Variants in RGS7 observed in about 807,000 individuals in gnomAD.
RGS7 encodes regulator of G protein signaling 7, also known as regulator of G-protein signaling 7.
Under a neutral mutation model 81.1 loss-of-function variants are expected in RGS7, and 27 were observed. That is an observed-to-expected ratio of 0.33 (90% CI 0.25 to 0.46). RGS7 has a LOEUF of 0.46. Ranked by LOEUF, RGS7 falls within the 20% of genes least tolerant of loss-of-function variation. The probability of loss-of-function intolerance (pLI) is 1.00; values close to 1 mark genes in which losing one functional copy is unlikely to be tolerated. For missense variants in RGS7, 396 were observed against 607.4 expected, an observed-to-expected ratio of 0.65 and a Z score of 3.66; for synonymous variants, 208 against 207.7, an observed-to-expected ratio of 1.00 and a Z score of -0.01.
chr1:241,261,730 T>A lies in RGS7; in HGVS notation c.78+93969A>T, dbSNP rs578019791. Among the ~76,000 whole-genome samples, 6 of 151,056 alleles carry A rather than the reference T, an allele frequency of 4.0e-5. 1 individual carries two copies. The South Asian group carries it at 1.3e-3, about 32-fold the overall frequency. On this transcript the variant is annotated intron_variant, in intron 2 of 18. Coordinates refer to ENST00000440928, the MANE Select transcript of RGS7 (RefSeq NM_001364886.1). ...TACCCCTTCATACCAAGAAGACAGATGCTAAATAAGGATCAGGAGCCATAA... is the reference window on the plus strand; with the variant it reads ...TACCCCTTCATACCAAGAAGACAGAAGCTAAATAAGGATCAGGAGCCATAA...
chr1:240,850,999 A>C (rs1660002023), intron 9 of RGS7, among the ~76,000 whole-genome samples: 1 of 152,224 alleles, frequency 6.6e-6, no homozygotes, highest in Non-Finnish European at 1.5e-5. Context: ...TAAAAGTGCA[A>C]GATGGAAGCA....
intron 2 of RGS7, among the ~76,000 whole-genome samples, chr1:241,323,975 G>A (rs1311475911): frequency 6.6e-6 from 1 of 152,180 alleles, no homozygotes; most frequent in African/African-American, 2.4e-5. Flanking sequence ...CCCTAAGCAA[G>A]TTATTTAGTC....
chr1:240,849,294 T>C (rs1053579698), intron 9 of RGS7, among the ~76,000 whole-genome samples: 7 of 152,162 alleles, frequency 4.6e-5, no homozygotes, highest in Non-Finnish European at 8.8e-5. Flanking sequence ...CTGTGATCTG[T>C]TATGTTAACC....
chr1:240,780,421 C>T (rs1347418870), intron 18 of RGS7, among the ~76,000 whole-genome samples: 1 of 111,634 alleles, frequency 9.0e-6, no homozygotes, highest in South Asian at 2.9e-4. Context: ...GCCTGGGCTA[C>T]AGAGTGAGAC....
At chr1:241,321,431 C>T (rs1177602733) in intron 2 of RGS7, among the ~76,000 whole-genome samples, 1 of 152,150 alleles carries the variant, frequency 6.6e-6, no homozygotes, top group African/African-American at 2.4e-5. Flanking sequence ...CCCCTTCCAC[C>T]TCACTCGGGC....
chr1:241,046,902 C>T (rs2060958572), intron 3 of RGS7, among the ~76,000 whole-genome samples: 4 of 152,058 alleles, frequency 2.6e-5, no homozygotes, highest in South Asian at 2.1e-4. Context: ...ATAAATGTTA[C>T]GTTCTACTGC....
intron 2 of RGS7, among the ~76,000 whole-genome samples, chr1:241,186,298 A>G (rs918624376): frequency 6.6e-6 from 1 of 152,140 alleles, no homozygotes; most frequent in African/African-American, 2.4e-5. Flanking sequence ...AAATCTGAAA[A>G]CAATCCAAAT....
intron 2 of RGS7, among the ~76,000 whole-genome samples, chr1:241,334,695 C>A (rs1026558906): frequency 6.6e-6 from 1 of 152,084 alleles, no homozygotes; most frequent in Non-Finnish European, 1.5e-5. Context: ...ATAAAAATAT[C>A]CATGGATTTT....
intron 6 of RGS7, among the ~76,000 whole-genome samples, chr1:240,913,805 A>T (rs879594142): frequency 2.8e-4 from 43 of 151,748 alleles, no homozygotes; most frequent in African/African-American, 1.0e-3. Context: ...TTTTATTTTG[A>T]ACAAACTGTT....
chr1:241,232,910 T>G (rs2075745483), intron 2 of RGS7, among the ~76,000 whole-genome samples: 1 of 152,230 alleles, frequency 6.6e-6, no homozygotes, highest in Non-Finnish European at 1.5e-5. Flanking sequence ...GATGCTATTT[T>G]TATTGTTATA....
At chr1:240,831,814 T>G (rs1693906295) in intron 9 of RGS7, among the ~76,000 whole-genome samples, 1 of 152,082 alleles carries the variant, frequency 6.6e-6, no homozygotes, top group Non-Finnish European at 1.5e-5. Context: ...TTTTTGTATT[T>G]TTAGTAGAGA....
At chr1:240,814,872 G>C (rs914496023) in intron 11 of RGS7, 95 bp from the exon 12 acceptor site, 4 of 821,116 alleles carry the variant, frequency 4.9e-6, no homozygotes, top group Admixed American at 3.4e-5. Flanking sequence ...CTGAACAAGA[G>C]TATAGTCTAC....
intron 2 of RGS7, among the ~76,000 whole-genome samples, chr1:241,167,263 A>G (rs953532169): frequency 3.3e-5 from 5 of 152,140 alleles, no homozygotes; most frequent in Admixed American, 2.0e-4. Context: ...ACATACAAAT[A>G]CGTGTTTGGC....
chr1:241,072,739 G>T (rs896909462), intron 3 of RGS7, among the ~76,000 whole-genome samples: 11 of 152,206 alleles, frequency 7.2e-5, no homozygotes, highest in African/African-American at 2.6e-4. Context: ...TTCTCGAGGG[G>T]ACTCCCTAAG....
intron 2 of RGS7, among the ~76,000 whole-genome samples, chr1:241,256,676 T>G (rs2077064355): frequency 6.6e-6 from 1 of 152,176 alleles, no homozygotes; most frequent in African/African-American, 2.4e-5. Flanking sequence ...ATTCTCGCTG[T>G]GTCTTCACGT....
intron 3 of RGS7, among the ~76,000 whole-genome samples, chr1:241,033,558 G>A (rs893852820): frequency 2.2e-4 from 33 of 150,998 alleles, no homozygotes; most frequent in African/African-American, 8.0e-4. Flanking sequence ...GGCTAAATAG[G>A]GTTAATTTTT....
At chr1:241,036,293 T>A (rs2060322872) in intron 3 of RGS7, among the ~76,000 whole-genome samples, 1 of 152,214 alleles carries the variant, frequency 6.6e-6, no homozygotes, top group Admixed American at 6.5e-5. Context: ...TATCAGATGA[T>A]CATTTACACA....
At chr1:241,187,600 A>G (rs543978788) in intron 2 of RGS7, among the ~76,000 whole-genome samples, 1 of 152,290 alleles carries the variant, frequency 6.6e-6, no homozygotes, top group Admixed American at 6.5e-5. Context: ...AAGCTCTAAT[A>G]TGCAGTACAG....
chr1:240,889,570 T>C (rs1667947189), intron 6 of RGS7, among the ~76,000 whole-genome samples: 1 of 152,190 alleles, frequency 6.6e-6, no homozygotes, highest in African/African-American at 2.4e-5. Flanking sequence ...TAATTATTTC[T>C]CCGCTTCTAG....
Sources: allele counts gnomAD v4.1 joint callset (sites outside exome capture counted in the v4.1 genomes callset), GRCh38; gene constraint gnomAD v4.1.1; transcripts MANE v1.5; gene names NCBI Gene and HGNC (gene_info 2026-07-23, HGNC 2026-07-21).